The following PTPN4 variants were observed in gnomAD, a reference collection of about 807,000 sequenced individuals.
PTPN4 encodes protein tyrosine phosphatase non-receptor type 4, also known as tyrosine-protein phosphatase non-receptor type 4.
In PTPN4, 49 loss-of-function variants were observed where a neutral mutation model predicts 135.5. That is an observed-to-expected ratio of 0.36 (90% CI 0.29 to 0.46). The LOEUF is 0.46. PTPN4 is among the 20% of genes least tolerant of loss of function. The pLI is 1.00. For missense variants in PTPN4, 860 were observed against 1,101.0 expected (o/e 0.78, Z 3.10); for synonymous variants, 333 against 369.9 (o/e 0.90, Z 1.14).
chr2:119,829,349 C>G (rs1348687893), intron 2 of PTPN4, among the ~76,000 whole-genome samples: 3 of 152,114 alleles, frequency 2.0e-5, no homozygotes, highest in African/African-American at 7.2e-5. Context: ...ACGAAATTTA[C>G]CACTTTAGCC....
At chr2:119,804,548 C>T (rs556690281) in intron 1 of PTPN4, among the ~76,000 whole-genome samples, 13 of 152,194 alleles carry the variant, frequency 8.5e-5, no homozygotes, top group African/African-American at 9.6e-5. Context: ...TCTCTCCTTG[C>T]GATAGTTTGC....
chr2:119,947,608 G>A (rs1679154171), intron 18 of PTPN4, among the ~76,000 whole-genome samples: 1 of 151,964 alleles, frequency 6.6e-6, no homozygotes, highest in Admixed American at 6.6e-5. Context: ...CTTTTCATCT[G>A]TTTCTTTTTA....
intron 1 of PTPN4, among the ~76,000 whole-genome samples, chr2:119,775,409 G>A (rs1690816874): frequency 6.6e-6 from 1 of 152,226 alleles, no homozygotes; most frequent in Admixed American, 6.5e-5. Context: ...GTAAGGGACT[G>A]CCTTTTAAAG....
chr2:119,764,976 T>C lies in PTPN4; in HGVS notation c.-18+4592T>C, dbSNP rs183931565. Among the ~76,000 whole-genome samples, 560 of 152,282 alleles carry C rather than the reference T, an allele frequency of 3.7e-3. 3 individuals are homozygous for C. Among genetic ancestry groups the C allele is most frequent in the African/African-American group, 0.013 (538 of 41,540 alleles). On this transcript the variant is annotated intron_variant, in intron 1 of 26. Coordinates refer to ENST00000263708, the MANE Select transcript of PTPN4 (RefSeq NM_002830.4). ...AATGTAGGGGAAAGATCACAGACTT[T>C]GGAGTCAAATCTGGTGTGGAATCTA...
intron 1 of PTPN4, among the ~76,000 whole-genome samples, chr2:119,785,140 T>C (rs1472952048): frequency 2.6e-5 from 4 of 152,200 alleles, no homozygotes; most frequent in Non-Finnish European, 4.4e-5. Context: ...AGTAGCACTT[T>C]ACCCTTCAAT....
chr2:119,951,686 G>A (rs1411874456), intron 18 of PTPN4, among the ~76,000 whole-genome samples: 1 of 152,156 alleles, frequency 6.6e-6, no homozygotes, highest in East Asian at 1.9e-4. Context: ...TCTAGACAGT[G>A]TAAAGCTAAA....
At chr2:119,848,419 T>C (rs185299988) in intron 2 of PTPN4, among the ~76,000 whole-genome samples, 3 of 151,714 alleles carry the variant, frequency 2.0e-5, no homozygotes, top group Admixed American at 6.6e-5. Context: ...GTGATCCACC[T>C]GCCTCAGCCT....
chr2:119,898,726 T>C (rs1378744450), intron 9 of PTPN4, among the ~76,000 whole-genome samples: 2 of 152,176 alleles, frequency 1.3e-5, no homozygotes, highest in Non-Finnish European at 2.9e-5. Flanking sequence ...TTGGAATTAA[T>C]AACATTTGTG....
intron 2 of PTPN4, among the ~76,000 whole-genome samples, chr2:119,846,477 A>G (rs1213583426): frequency 6.6e-6 from 1 of 151,776 alleles, no homozygotes; most frequent in African/African-American, 2.4e-5. Context: ...TAACTTTTTA[A>G]ATCCTTTACT....
At chr2:119,931,433 CTTTTTTTTTTT>C (rs1158907026) in intron 13 of PTPN4, among the ~76,000 whole-genome samples, 10 of 83,354 alleles carry the variant, frequency 1.2e-4, no homozygotes, top group South Asian at 7.5e-4. Context: ...TTCTTTCTTT[CTTTTTTTTTTT>C]TTTTTTTTTT....
rs59629850 is a variant in PTPN4, at chr2:119,847,329, T to TATATATA, written c.139-15207_139-15206insATATATA. ...ACACACACACACATATATATATATA[T>TATATATA]TTTTTTTTTTTTTTTGAGACAGAGT... On this transcript the variant is annotated intron_variant, in intron 2 of 26. Transcript: ENST00000263708. Among the ~76,000 whole-genome samples the TATATATA allele has an allele frequency of 2.7e-3, 175 of 64,534 alleles. 2 individuals carry two copies. Among genetic ancestry groups the TATATATA allele is most frequent in the Middle Eastern group, 5.6e-3 (1 of 178 alleles). 42.3% of individuals were successfully genotyped at this position (64,534 alleles called of 152,430 possible).
chr2:119,786,904 C>G (rs1438941844), intron 1 of PTPN4, among the ~76,000 whole-genome samples: 1 of 152,176 alleles, frequency 6.6e-6, no homozygotes, highest in Non-Finnish European at 1.5e-5. Flanking sequence ...CTGAGAGGCA[C>G]CACTGACCTG....
chr2:119,816,024 C>CT (rs1676980486), intron 2 of PTPN4, among the ~76,000 whole-genome samples: 1 of 152,166 alleles, frequency 6.6e-6, no homozygotes, highest in South Asian at 2.1e-4. Flanking sequence ...CACTTAACAA[C>CT]AGGCATACAT....
intron 1 of PTPN4, among the ~76,000 whole-genome samples, chr2:119,786,967 T>C (rs1321088082): frequency 6.6e-6 from 1 of 152,172 alleles, no homozygotes; most frequent in African/African-American, 2.4e-5. Context: ...CTAATTTAAC[T>C]ACTATACATT....
chr2:119,914,856 G>T (rs1170237848), intron 10 of PTPN4, among the ~76,000 whole-genome samples: 1 of 152,098 alleles, frequency 6.6e-6, no homozygotes, highest in Non-Finnish European at 1.5e-5. Context: ...GTTGCATAAA[G>T]TAATGAAATC....
intron 23 of PTPN4, among the ~76,000 whole-genome samples, chr2:119,961,717 G>A (rs770576886): frequency 6.6e-6 from 1 of 152,170 alleles, no homozygotes; most frequent in South Asian, 2.1e-4. Flanking sequence ...AAAAAGGAAC[G>A]AAGTAGTGAT....
chr2:119,947,888 A>G (rs987266906), intron 18 of PTPN4, among the ~76,000 whole-genome samples: 3 of 152,048 alleles, frequency 2.0e-5, no homozygotes, highest in Non-Finnish European at 2.9e-5. Context: ...GTGACTACTA[A>G]TAACTTCCAG....
chr2:119,769,166 G>T (rs920501340), intron 1 of PTPN4, among the ~76,000 whole-genome samples: 1 of 152,224 alleles, frequency 6.6e-6, no homozygotes, highest in Non-Finnish European at 1.5e-5. Context: ...CAAGAAGCCA[G>T]TGAAGAAGAC....
intron 11 of PTPN4, 147 bp downstream of exon 11, chr2:119,915,389 T>C: frequency 1.9e-6 from 1 of 528,988 alleles, no homozygotes; most frequent in Non-Finnish European, 3.1e-6. Flanking sequence ...TCACTTGTTA[T>C]AACAAAATGT....
Sources: allele counts gnomAD v4.1 joint callset (sites outside exome capture counted in the v4.1 genomes callset), GRCh38; gene constraint gnomAD v4.1.1; transcripts MANE v1.5; gene names NCBI Gene and HGNC (gene_info 2026-07-23, HGNC 2026-07-21).